The following DHX15 variants were observed in gnomAD, a reference collection of about 807,000 sequenced individuals.
DHX15 encodes the protein DEAH-box helicase 15.
Under a neutral mutation model 94.4 loss-of-function variants are expected in DHX15, and 11 were observed. The observed-to-expected ratio is 0.12, with a 90% CI of 0.07 to 0.19. The LOEUF (loss-of-function observed/expected upper bound fraction) is 0.19. Ranked by LOEUF, DHX15 falls within the 10% of genes least tolerant of loss-of-function variation. DHX15 has a pLI of 1.00. For synonymous variants in DHX15, 338 were observed against 329.9 expected, an observed-to-expected ratio of 1.02 and a Z score of -0.27; for missense variants, 304 against 988.5, an observed-to-expected ratio of 0.31 and a Z score of 9.29.
intron 3 of DHX15, among the ~76,000 whole-genome samples, chr4:24,566,206 A>AT (rs1318606323): frequency 6.6e-6 from 1 of 152,018 alleles, no homozygotes; most frequent in African/African-American, 2.4e-5. Context: ...CACCTGGCTC[A>AT]TTTTTTTAAT....
intron 11 of DHX15, chr4:24,533,590 A>G: frequency 1.9e-5 from 3 of 157,166 alleles, no homozygotes; most frequent in Admixed American, 6.1e-5. Flanking sequence ...GGATGCCCGA[A>G]ACCTCCACTC....
chr4:24,558,279 C>T (rs1721785717), intron 3 of DHX15, among the ~76,000 whole-genome samples: 1 of 152,068 alleles, frequency 6.6e-6, no homozygotes, highest in African/African-American at 2.4e-5. Context: ...TTGTGAGACA[C>T]ATTGTAACTT....
At position 24,537,021 on chromosome 4, in the gene DHX15, AAG is replaced by A. The variant is rs1233426447; in HGVS notation, c.1909+28_1909+29del. On this transcript the variant is annotated intron_variant, in intron 11 of 13. Coordinates refer to ENST00000336812, the MANE Select transcript of DHX15 (RefSeq NM_001358.3). This position sits in a 1 kb window ranked among gnomAD's most constrained non-coding sequence, Gnocchi z 4.7. Reference sequence around the variant, plus strand: ...TATACACTGCAAGTGACATTTAGACAAGAGTGTCTCCAATCAAATTTACACTT... The same window carrying A: ...TATACACTGCAAGTGACATTTAGACAAGTGTCTCCAATCAAATTTACACTT... The A allele has an allele frequency of 6.2e-7, 1 of 1,605,422 alleles. No individual in the cohort carries two copies. Among genetic ancestry groups the A allele is most frequent in the Non-Finnish European group, 8.5e-7 (1 of 1,175,186 alleles).
chr4:24,550,422 AAC>A (rs1422425122), intron 5 of DHX15, among the ~76,000 whole-genome samples: 1 of 152,170 alleles, frequency 6.6e-6, no homozygotes, highest in African/African-American at 2.4e-5. Context: ...CTTAGCTTAA[AAC>A]ACAAACACAC....
At chr4:24,581,273 C>G (rs1200740174) in intron 1 of DHX15, among the ~76,000 whole-genome samples, 1 of 151,626 alleles carries the variant, frequency 6.6e-6, no homozygotes, top group South Asian at 2.1e-4. Context: ...CGTGATCCAC[C>G]CGCCTCGGCC....
intron 11 of DHX15, among the ~76,000 whole-genome samples, chr4:24,534,840 T>C (rs1469865249): frequency 6.6e-6 from 1 of 152,146 alleles, no homozygotes; most frequent in Non-Finnish European, 1.5e-5. Context: ...AATGTTTCAA[T>C]TAATAACATA....
intron 1 of DHX15, among the ~76,000 whole-genome samples, chr4:24,583,400 G>A (rs560175286): frequency 2.0e-5 from 3 of 151,910 alleles, no homozygotes; most frequent in Non-Finnish European, 4.4e-5. Flanking sequence ...CTAAAAACAC[G>A]TTTTGAACAT....
At chr4:24,538,700 C>G (rs932757493) in intron 10 of DHX15, 2 of 151,690 alleles carry the variant, frequency 1.3e-5, no homozygotes, top group Non-Finnish European at 2.9e-5. Context: ...ATTCTCCTGA[C>G]AAACTAAAGG....
chr4:24,549,184 G>A (rs1721531253), intron 5 of DHX15, among the ~76,000 whole-genome samples, 162 bp from the exon 6 acceptor site: 1 of 152,116 alleles, frequency 6.6e-6, no homozygotes, highest in African/African-American at 2.4e-5. Flanking sequence ...AAATTTCAAT[G>A]GGATTTCCAA....
intron 2 of DHX15, 33 bp from the exon 3 acceptor site, chr4:24,570,880 A>G (rs1460004951): frequency 6.2e-7 from 1 of 1,601,212 alleles, no homozygotes; most frequent in Admixed American, 1.7e-5. Flanking sequence ...AATTAATTCT[A>G]TTCTGCCTGC....
At chr4:24,559,375 TAAAAAAAAAAA>T (rs535455690) in intron 3 of DHX15, among the ~76,000 whole-genome samples, 4 of 93,366 alleles carry the variant, frequency 4.3e-5, no homozygotes, top group Admixed American at 2.3e-4. Context: ...TTTAAGCCAC[TAAAAAAAAAAA>T]AAAAAAAAAA....
At chr4:24,574,217 A>AAAAAAAAAAAAAAAAAAAAAAAAAAAT (rs1722191353) in intron 2 of DHX15, among the ~76,000 whole-genome samples, 1 of 150,692 alleles carries the variant, frequency 6.6e-6, no homozygotes, top group Non-Finnish European at 1.5e-5. Context: ...AAAAAAAAAA[A>AAAAAAAAAAAAAAAAAAAAAAAAAAAT]AAAAAAAAAA....
chr4:24,577,107 G>A (rs147119402), intron 1 of DHX15, among the ~76,000 whole-genome samples: 1 of 152,318 alleles, frequency 6.6e-6, no homozygotes, highest in Non-Finnish European at 1.5e-5. Context: ...TCAGAAGTTA[G>A]CACAAACACT....
intron 1 of DHX15, among the ~76,000 whole-genome samples, chr4:24,581,094 A>G (rs1198038399): frequency 6.6e-6 from 1 of 151,412 alleles, no homozygotes; most frequent in Non-Finnish European, 1.5e-5. Flanking sequence ...GCAGTGGCAC[A>G]ATCTCGGCTC....
chr4:24,545,005 G>A (rs555757180), intron 6 of DHX15, among the ~76,000 whole-genome samples: 3 of 152,204 alleles, frequency 2.0e-5, no homozygotes, highest in Admixed American at 2.0e-4. Flanking sequence ...CAGCTACCGA[G>A]GAGGCTAAGG....
At chr4:24,573,616 T>A (rs1171063595) in intron 2 of DHX15, among the ~76,000 whole-genome samples, 1 of 152,104 alleles carries the variant, frequency 6.6e-6, no homozygotes, top group Non-Finnish European at 1.5e-5. Flanking sequence ...CAGGAGTTTT[T>A]TTAAAAAAAA....
intron 2 of DHX15, among the ~76,000 whole-genome samples, chr4:24,571,637 G>A (rs925258602): frequency 1.3e-5 from 2 of 152,134 alleles, no homozygotes; most frequent in African/African-American, 4.8e-5. Flanking sequence ...CATATTATAT[G>A]GAAATCCACT....
intron 11 of DHX15, among the ~76,000 whole-genome samples, chr4:24,535,906 A>G (rs1472853075): frequency 1.3e-5 from 2 of 152,214 alleles, no homozygotes; most frequent in Non-Finnish European, 2.9e-5. Flanking sequence ...TTGGAACGTC[A>G]ACTTTATAAA....
intron 3 of DHX15, among the ~76,000 whole-genome samples, chr4:24,568,808 C>T (rs560834933): frequency 6.6e-6 from 1 of 152,248 alleles, no homozygotes; most frequent in African/African-American, 2.4e-5. Flanking sequence ...TAAAGTAATA[C>T]AACATAATGA....
Sources: allele counts gnomAD v4.1 joint callset (sites outside exome capture counted in the v4.1 genomes callset), GRCh38; gene constraint gnomAD v4.1.1; non-coding constraint Gnocchi (gnomAD v3.1); transcripts MANE v1.5; gene names NCBI Gene and HGNC (gene_info 2026-07-23, HGNC 2026-07-21).